Variants in AVEN observed in about 807,000 individuals in gnomAD.
AVEN encodes the protein apoptosis and caspase activation inhibitor.
A neutral mutation model predicts 38.1 loss-of-function variants in AVEN; 41 were observed. The ratio of observed to expected loss-of-function variants is 1.08; its 90% CI spans 0.84 to 1.40. The LOEUF (loss-of-function observed/expected upper bound fraction) is 1.40, where lower values mean the gene tolerates loss of function less well. Among genes scored for constraint, AVEN ranks in the 40% most tolerant of loss-of-function variants. The pLI is 0.00. For missense variants in AVEN, 605 were observed against 438.8 expected, an observed-to-expected ratio of 1.38 and a Z score of -3.38; for synonymous variants, 206 against 171.8, an observed-to-expected ratio of 1.20 and a Z score of -1.56.
At chr15:33,861,664 A>G (rs1423780648), downstream of AVEN, among the ~76,000 whole-genome samples, 2 of 151,928 alleles carry the variant, frequency 1.3e-5, no homozygotes, top group Non-Finnish European at 2.9e-5. Context: ...CCACTACATC[A>G]TAATATTGGG....
chr15:33,993,020 C>T (rs1339751971), intron 2 of AVEN, among the ~76,000 whole-genome samples: 1 of 152,140 alleles, frequency 6.6e-6, no homozygotes, highest in Non-Finnish European at 1.5e-5. Flanking sequence ...ATAATATTTT[C>T]CCCACGTTTT....
At chr15:33,897,219 T>G (rs532628885) in intron 2 of AVEN, among the ~76,000 whole-genome samples, 18 of 152,320 alleles carry the variant, frequency 1.2e-4, no homozygotes, top group African/African-American at 4.3e-4. Flanking sequence ...ACAGACTACT[T>G]ACATTTGTAA....
intron 2 of AVEN, among the ~76,000 whole-genome samples, chr15:33,887,660 G>A (rs1477493276): frequency 6.6e-6 from 1 of 152,036 alleles, no homozygotes; most frequent in Non-Finnish European, 1.5e-5. Context: ...CAAGACAAGA[G>A]AAGACTACAT....
chr15:34,038,753 C>G, intron 1 of AVEN, 27 bp downstream of exon 1: 2 of 1,157,094 alleles, frequency 1.7e-6, no homozygotes, highest in Non-Finnish European at 1.1e-6. Context: ...ACACGCGGTC[C>G]CAGCCCCACC....
intron 2 of AVEN, among the ~76,000 whole-genome samples, chr15:33,998,439 A>G (rs571306840): frequency 2.2e-4 from 33 of 152,316 alleles, no homozygotes; most frequent in Middle Eastern, 3.4e-3. Context: ...CCTAAGCAAC[A>G]TAAGAAGACC....
At chr15:33,899,070 T>C (rs576550795) in intron 2 of AVEN, among the ~76,000 whole-genome samples, 5 of 152,238 alleles carry the variant, frequency 3.3e-5, no homozygotes, top group African/African-American at 9.6e-5. Context: ...ACTGGAAAGG[T>C]AGGTGGGGAC....
chr15:33,865,438 G>GAAGAAGGAAGGCGA (rs1890184823), downstream of AVEN: 3 of 498,538 alleles, frequency 6.0e-6, no homozygotes, highest in Admixed American at 3.7e-5. Context: ...TCAAAATGTC[G>GAAGAAGGAAGGCGA]AAGAAGGAAG....
chr15:33,926,288 TC>T (rs1207185508), intron 2 of AVEN, among the ~76,000 whole-genome samples: 1 of 152,188 alleles, frequency 6.6e-6, no homozygotes, highest in African/African-American at 2.4e-5. Context: ...CAAATCTTTC[TC>T]TTCTTAACTC....
chr15:33,992,773 T>C (rs1896785119), intron 2 of AVEN, among the ~76,000 whole-genome samples: 2 of 152,232 alleles, frequency 1.3e-5, no homozygotes, highest in African/African-American at 4.8e-5. Context: ...TAGAGTAATA[T>C]CCTTTCTTTT....
Position 33,867,748 on chromosome 15 carries a change from G to A in AVEN, c.720C>T (p.Pro240=), listed in dbSNP as rs777847400. ...KGPLGPGGRG[P]IFELKSVAAG... Reference sequence around the variant, plus strand: ...CAGCCACAGATTTCAGCTCAAAGATGGGCCCCCTTCCTCCAGGCCCCAAGG... The same window carrying A: ...CAGCCACAGATTTCAGCTCAAAGATAGGCCCCCTTCCTCCAGGCCCCAAGG... Residue 240 remains proline, a synonymous_variant, in exon 5 of 6, where the codon CCC becomes CCT. Coordinates refer to ENST00000306730, the MANE Select transcript of AVEN (RefSeq NM_020371.3). 2.5e-6 allele frequency: 4 copies of A among 1,614,012 alleles called. No homozygotes were observed. The highest frequency in any genetic ancestry group is 1.1e-5 in the South Asian group (1 of 91,084).
chr15:33,865,181 A>C, downstream of AVEN: 1 of 1,613,940 alleles, frequency 6.2e-7, no homozygotes, highest in South Asian at 1.1e-5. Context: ...ATTTCTTCCC[A>C]GCCGGTGACT....
At position 34,037,236 on chromosome 15, in the gene AVEN, G is replaced by C. The variant is rs1899185253; in HGVS notation, c.267+1544C>G. 2.6e-5 allele frequency among the ~76,000 whole-genome samples: 4 copies of C among 151,992 alleles called. No individual in the cohort carries two copies. The South Asian group carries it at 8.3e-4, about 32-fold the overall frequency. ...CTTATTAGTAAAGTCCTGTGCGCCAGACACCATAGTTAACACCAAATGTAC... is the reference window on the plus strand; with the variant it reads ...CTTATTAGTAAAGTCCTGTGCGCCACACACCATAGTTAACACCAAATGTAC... On this transcript the variant is annotated intron_variant, in intron 1 of 5. Coordinates refer to ENST00000306730, the MANE Select transcript of AVEN (RefSeq NM_020371.3).
At chr15:33,893,381 G>A (rs1423413501) in intron 2 of AVEN, among the ~76,000 whole-genome samples, 1 of 152,138 alleles carries the variant, frequency 6.6e-6, no homozygotes, top group Non-Finnish European at 1.5e-5. Context: ...CATGTAGGAA[G>A]AAATTCATAC....
At chr15:33,854,677 A>C, downstream of AVEN, 10 of 1,494,218 alleles carry the variant, frequency 6.7e-6, no homozygotes, top group Non-Finnish European at 9.0e-6. Context: ...CTCTATCCTC[A>C]GTGTGTCTCC....
At chr15:33,854,936 C>A, downstream of AVEN, 1 of 1,594,524 alleles carries the variant, frequency 6.3e-7, no homozygotes, top group Non-Finnish European at 8.5e-7. Flanking sequence ...TGATGCAGAA[C>A]AGAATGGACC....
rs34223352 is a variant in AVEN at position 33,873,094 on chromosome 15, C to CTTT, written c.517-2067_517-2065dup. On this transcript the variant is annotated intron_variant, in intron 3 of 5. Transcript: ENST00000306730. ...AAAACATATTTCTACTTTTCCTTTT[C>CTTT]TTTTTTTTTTTTTTTTTTTTTTTTT... is the stretch of plus-strand genomic sequence containing the variant. 9.5e-3 allele frequency among the ~76,000 whole-genome samples: 805 copies of CTTT among 85,104 alleles called. 39 individuals carry two copies. Among genetic ancestry groups the CTTT allele is most frequent in the African/African-American group, 0.021 (417 of 20,128 alleles). The allele number at this position is 85,104 out of a possible 152,430, so 55.8% of individuals were successfully genotyped here. A position where few individuals can be genotyped will look rare whatever the true frequency, so the allele number is the denominator to read the frequency against.
At chr15:33,926,571 G>C (rs1313549608) in intron 2 of AVEN, among the ~76,000 whole-genome samples, 2 of 152,212 alleles carry the variant, frequency 1.3e-5, no homozygotes, top group African/African-American at 4.8e-5. Flanking sequence ...AGCATTTGGG[G>C]AGGCTGAGAC....
intron 2 of AVEN, among the ~76,000 whole-genome samples, chr15:33,899,461 T>TTTC (rs1892395123): frequency 2.0e-4 from 1 of 4,940 alleles, no homozygotes; most frequent in Non-Finnish European, 4.2e-4. Flanking sequence ...AGGGAAAACC[T>TTTC]TTTTTTTTTT....
chr15:34,062,568 A>AAC (rs1413794394), intron 5 of AVEN: 8 of 689,284 alleles, frequency 1.2e-5, no homozygotes, highest in Non-Finnish European at 1.6e-5. Flanking sequence ...AAAAAAAAAA[A>AAC]AAAAAACTAT....
Sources: allele counts gnomAD v4.1 joint callset (sites outside exome capture counted in the v4.1 genomes callset), GRCh38; gene constraint gnomAD v4.1.1; transcripts MANE v1.5; gene names NCBI Gene and HGNC (gene_info 2026-07-23, HGNC 2026-07-21).